ASB5: variants seen among roughly 807,000 people sequenced by gnomAD.
ASB5 encodes the protein ankyrin repeat and SOCS box containing 5.
A neutral mutation model predicts 42.1 loss-of-function variants in ASB5; 45 were observed. The observed-to-expected ratio is 1.07, with a 90% CI of 0.84 to 1.37. The LOEUF is 1.37. ASB5 is among the 40% of genes most tolerant of loss of function. The pLI is 0.00. For synonymous variants in ASB5, 147 were observed against 150.6 expected, an observed-to-expected ratio of 0.98 and a Z score of 0.18; for missense variants, 402 against 399.8, an observed-to-expected ratio of 1.01 and a Z score of -0.05.
upstream of ASB5, among the ~76,000 whole-genome samples, chr4:176,270,112 A>G (rs1222088682): frequency 3.9e-5 from 6 of 152,200 alleles, no homozygotes; most frequent in African/African-American, 1.2e-4. Flanking sequence ...AATAGAATAA[A>G]TTATTAAGAA....
chr4:176,229,488 C>T (rs912528620), intron 1 of ASB5, among the ~76,000 whole-genome samples: 8 of 152,114 alleles, frequency 5.3e-5, no homozygotes, highest in African/African-American at 1.2e-4. Flanking sequence ...TTCAGCATTA[C>T]TTGCTAGGGT....
chr4:176,258,588 T>C (rs1754200201), intron 1 of ASB5, among the ~76,000 whole-genome samples: 1 of 152,188 alleles, frequency 6.6e-6, no homozygotes, highest in African/African-American at 2.4e-5. Context: ...AAATTCAGTC[T>C]CTAGTCAAGT....
chr4:176,237,354 C>T lies in ASB5; in HGVS notation c.197-12013G>A, dbSNP rs1041347554. 30 of 985,918 alleles carry T rather than the reference C, an allele frequency of 3.0e-5. No individual in the cohort carries two copies. In the African/African-American group the frequency reaches 4.9e-4, roughly 16 times the overall value. 61.1% of individuals were successfully genotyped at this position (985,918 alleles called of 1,614,324 possible). A position where few individuals can be genotyped will look rare whatever the true frequency, so the allele number is the denominator to read the frequency against. On this transcript the variant is annotated intron_variant, in intron 1 of 6. Transcript: ENST00000296525. ...TTAGAAGAACATTCCTCTATACTCA[C>T]TAGCCTTCTTTTCGTGAGGACCTGC...
chr4:176,269,202 G>A lies in ASB5; in HGVS notation c.-94C>T. 1.7e-6 allele frequency: 2 copies of A among 1,154,814 alleles called. No individual in the cohort carries two copies. The highest frequency in any genetic ancestry group is 2.4e-6 in the Non-Finnish European group (2 of 830,542). The allele number at this position is 1,154,814 out of a possible 1,614,324, so 71.5% of individuals were successfully genotyped here. On this transcript the variant is annotated 5_prime_UTR_variant, in exon 1 of 7. Coordinates refer to ENST00000296525, the MANE Select transcript of ASB5 (RefSeq NM_080874.4). ...GATGCTCCTGAACAGCTGGTCCTGA[G>A]GAAAGAAAATATCAGCTGGTAGTGA... is the stretch of plus-strand genomic sequence containing the variant.
chr4:176,241,589 T>A, intron 1 of ASB5: 2 of 1,457,264 alleles, frequency 1.4e-6, no homozygotes, highest in Non-Finnish European at 1.8e-6. Context: ...AGGAGTCATA[T>A]CTGAGCCCAG....
intron 1 of ASB5, among the ~76,000 whole-genome samples, chr4:176,258,929 A>G (rs553940827): frequency 6.6e-6 from 1 of 152,276 alleles, no homozygotes; most frequent in South Asian, 2.1e-4. Context: ...CACCAATTAG[A>G]TATGCAACTA....
chr4:176,237,220 T>C, intron 1 of ASB5: 1 of 940,130 alleles, frequency 1.1e-6, no homozygotes, highest in Non-Finnish European at 1.3e-6. Context: ...CAGTTTAAAG[T>C]TAGTATTTGC....
chr4:176,266,231 G>C (rs1754353167), intron 1 of ASB5, among the ~76,000 whole-genome samples: 1 of 152,138 alleles, frequency 6.6e-6, no homozygotes, highest in Admixed American at 6.6e-5. Context: ...GTTGTCAACA[G>C]GGTCTTCGGT....
At chr4:176,216,682 A>G in intron 6 of ASB5, 136 bp downstream of exon 6, 1 of 782,560 alleles carries the variant, frequency 1.3e-6, no homozygotes, top group Non-Finnish European at 2.0e-6. Flanking sequence ...CTAAGTTAAA[A>G]ATCATCTACT....
At chr4:176,262,422 A>C (rs1187332338) in intron 1 of ASB5, among the ~76,000 whole-genome samples, 1 of 152,208 alleles carries the variant, frequency 6.6e-6, no homozygotes. Flanking sequence ...GTAGGAAGTG[A>C]AGGTGGGGAC....
intron 1 of ASB5, among the ~76,000 whole-genome samples, chr4:176,276,960 C>T (rs542172842): frequency 1.2e-4 from 18 of 152,170 alleles, no homozygotes; most frequent in Admixed American, 9.2e-4. Context: ...GGTAGGCAGG[C>T]AGGGCAAGGT....
intron 1 of ASB5, among the ~76,000 whole-genome samples, chr4:176,244,907 G>A (rs1232508883): frequency 6.6e-6 from 1 of 152,036 alleles, no homozygotes; most frequent in Non-Finnish European, 1.5e-5. Context: ...AGGCTGCAGT[G>A]AGCTATGATT....
upstream of ASB5, among the ~76,000 whole-genome samples, chr4:176,271,419 T>A (rs1184789795): frequency 6.6e-6 from 1 of 152,194 alleles, no homozygotes; most frequent in Non-Finnish European, 1.5e-5. Flanking sequence ...TTCCTGGCAT[T>A]TTCATTTCGT....
chr4:176,237,343 C>T (rs559015189), intron 1 of ASB5: 4 of 985,854 alleles, frequency 4.1e-6, no homozygotes, highest in Non-Finnish European at 4.8e-6. Context: ...AAGAACATTC[C>T]TCTATACTCA....
chr4:176,260,330 C>A (rs993051845), intron 1 of ASB5, among the ~76,000 whole-genome samples: 1 of 152,118 alleles, frequency 6.6e-6, no homozygotes, highest in Non-Finnish European at 1.5e-5. Context: ...TATCTTAAAT[C>A]TATAAGACAG....
intron 5 of ASB5, among the ~76,000 whole-genome samples, chr4:176,218,726 T>A (rs1267741431): frequency 8.1e-5 from 2 of 24,632 alleles, no homozygotes; most frequent in African/African-American, 1.9e-4. Context: ...ATATATACAT[T>A]TGTATGATAT....
intron 1 of ASB5, among the ~76,000 whole-genome samples, chr4:176,234,413 T>C (rs1033715411): frequency 3.3e-5 from 5 of 152,202 alleles, no homozygotes; most frequent in South Asian, 2.1e-4. Flanking sequence ...TCTCTGACTT[T>C]AGTGCTCTCT....
chr4:176,265,323 G>A (rs1018236907), intron 1 of ASB5, among the ~76,000 whole-genome samples: 5 of 152,118 alleles, frequency 3.3e-5, no homozygotes, highest in African/African-American at 1.2e-4. Flanking sequence ...CCTCTTTGAA[G>A]GTATCTCTGA....
At chr4:176,236,902 C>A (rs555528460) in intron 1 of ASB5, among the ~76,000 whole-genome samples, 2 of 152,168 alleles carry the variant, frequency 1.3e-5, no homozygotes, top group Non-Finnish European at 2.9e-5. Flanking sequence ...AGTTGCTCTA[C>A]TCATTTTCTT....
Sources: allele counts gnomAD v4.1 joint callset (sites outside exome capture counted in the v4.1 genomes callset), GRCh38; gene constraint gnomAD v4.1.1; transcripts MANE v1.5; gene names NCBI Gene and HGNC (gene_info 2026-07-23, HGNC 2026-07-21).